KLF17: variants seen among roughly 807,000 people sequenced by gnomAD.
KLF17 encodes KLF transcription factor 17.
KLF17 carries 31 observed loss-of-function variants against 34.2 expected under a neutral mutation model. The ratio of observed to expected loss-of-function variants is 0.91; its 90% CI spans 0.68 to 1.22. The LOEUF is 1.22. Ranked by LOEUF, KLF17 falls within the 50% of genes most tolerant of loss-of-function variation. The pLI is 0.00. For missense variants in KLF17, 478 were observed against 505.2 expected, an observed-to-expected ratio of 0.95 and a Z score of 0.52; for synonymous variants, 179 against 186.7, an observed-to-expected ratio of 0.96 and a Z score of 0.34.
the KLF17 span, among the ~76,000 whole-genome samples, chr1:44,085,910 T>C: frequency 6.6e-6 from 1 of 151,384 alleles, no homozygotes; most frequent in Non-Finnish European, 1.5e-5. Context: ...CCAGTAAAGC[T>C]TTTCACTGAG....
At chr1:44,111,298 T>A in the KLF17 span, among the ~76,000 whole-genome samples, 1 of 152,114 alleles carries the variant, frequency 6.6e-6, no homozygotes. Flanking sequence ...GCCCGGCCTG[T>A]GTTTTTCTTA....
At chr1:44,128,538 C>T (rs2088055799) in intron 1 of KLF17, among the ~76,000 whole-genome samples, 1 of 152,152 alleles carries the variant, frequency 6.6e-6, no homozygotes, top group South Asian at 2.1e-4. Context: ...TCCTCCAGTG[C>T]TTGATCTCAG....
chr1:44,081,221 G>GT, the KLF17 span, among the ~76,000 whole-genome samples: 3 of 117,724 alleles, frequency 2.5e-5, no homozygotes, highest in Non-Finnish European at 3.5e-5. Flanking sequence ...ACAAGATCCT[G>GT]TAAAAAAAAA....
chr1:44,076,650 T>C, the KLF17 span: 1 of 152,340 alleles, frequency 6.6e-6, no homozygotes, highest in South Asian at 2.1e-4. Context: ...ACTTTTCCTA[T>C]GTTTATTGGA....
the KLF17 span, among the ~76,000 whole-genome samples, chr1:44,084,928 GAA>G: frequency 8.3e-6 from 1 of 120,744 alleles, no homozygotes; most frequent in Non-Finnish European, 1.7e-5. Context: ...ATAAAAATTA[GAA>G]AAAAAAAAAA....
chr1:44,133,339 T>A lies in KLF17; in HGVS notation c.*102T>A, dbSNP rs1571996467. 6.6e-6 allele frequency: 1 copy of A among 152,174 alleles called. No homozygotes were observed. Among genetic ancestry groups the A allele is most frequent in the Non-Finnish European group, 1.5e-5 (1 of 68,062 alleles). 9.4% of individuals were successfully genotyped at this position (152,174 alleles called of 1,614,324 possible). ...GTTCTACATTCATTCAGAAAAATGTTTTTTGAGCCTACAATACTGAGCGCA... is the reference window on the plus strand; with the variant it reads ...GTTCTACATTCATTCAGAAAAATGTATTTTGAGCCTACAATACTGAGCGCA... On this transcript the variant is annotated 3_prime_UTR_variant, in exon 4 of 4. Transcript: ENST00000372299.
chr1:44,127,588 C>T (rs1465131173), intron 1 of KLF17, among the ~76,000 whole-genome samples: 1 of 150,540 alleles, frequency 6.6e-6, no homozygotes, highest in African/African-American at 2.5e-5. Context: ...CCACCCGCCT[C>T]GGTGGATCTT....
At chr1:44,045,219 G>T in the KLF17 span, 1 of 152,304 alleles carries the variant, frequency 6.6e-6, no homozygotes, top group Non-Finnish European at 1.5e-5. Flanking sequence ...GCCATGCAAG[G>T]GTTGTGGGTG....
At chr1:44,072,520 C>T in the KLF17 span, among the ~76,000 whole-genome samples, 1 of 147,754 alleles carries the variant, frequency 6.8e-6, no homozygotes, top group Non-Finnish European at 1.5e-5. Flanking sequence ...GATCCTGTCT[C>T]TACAAAAATA....
At chr1:44,083,587 G>A in the KLF17 span, among the ~76,000 whole-genome samples, 1 of 152,054 alleles carries the variant, frequency 6.6e-6, no homozygotes, top group East Asian at 1.9e-4. Flanking sequence ...ACAAAGTCAG[G>A]AGTTCCAGAC....
At chr1:44,091,495 A>G in the KLF17 span, among the ~76,000 whole-genome samples, 1 of 152,018 alleles carries the variant, frequency 6.6e-6, no homozygotes, top group African/African-American at 2.4e-5. Flanking sequence ...GTTTCTACTA[A>G]AAACATGAGA....
chr1:44,074,434 C>T, the KLF17 span, among the ~76,000 whole-genome samples: 9 of 152,210 alleles, frequency 5.9e-5, no homozygotes, highest in Admixed American at 1.3e-4. Context: ...TCTCCCCTTC[C>T]GTTCCTTTGT....
chr1:44,062,041 T>A, the KLF17 span, among the ~76,000 whole-genome samples: 1 of 152,222 alleles, frequency 6.6e-6, no homozygotes, highest in Non-Finnish European at 1.5e-5. Context: ...GCCACCTCAG[T>A]AAAGCTGTTT....
At chr1:44,128,302 T>C (rs2088052639) in intron 1 of KLF17, among the ~76,000 whole-genome samples, 1 of 152,166 alleles carries the variant, frequency 6.6e-6, no homozygotes, top group Non-Finnish European at 1.5e-5. Context: ...TGCCTCGGCC[T>C]CCCAAAGTGC....
rs778395622 is a variant in KLF17, at chr1:44,129,844, G to C, written c.573G>C (p.Leu191Phe). 1 of 1,614,054 alleles carries C rather than the reference G, an allele frequency of 6.2e-7. No individual in the cohort carries two copies. Among genetic ancestry groups the C allele is most frequent in the African/African-American group, 1.3e-5 (1 of 74,924 alleles). ...GLSTVPSDET[L>F]LGPTVPSTEA... ...CGACAGTACCTTCTGACGAAACATTGTTGGGCCCGACTGTGCCTTCCACTG... is the reference window on the plus strand; with the variant it reads ...CGACAGTACCTTCTGACGAAACATTCTTGGGCCCGACTGTGCCTTCCACTG... Residue 191 changes from leucine (L) to phenylalanine (F), a missense_variant, in exon 2 of 4, where the codon TTG becomes TTC. Leu to Phe is a conservative substitution (Grantham distance 22, BLOSUM62 0). Transcript: ENST00000372299.
At chr1:44,055,805 C>T in the KLF17 span, among the ~76,000 whole-genome samples, 1 of 152,254 alleles carries the variant, frequency 6.6e-6, no homozygotes, top group East Asian at 1.9e-4. Context: ...GTCTGGATTC[C>T]TACAATCCTG....
At position 44,130,726 on chromosome 1, in the gene KLF17, G is replaced by A. The variant is rs1571994337; in HGVS notation, c.1140G>A (p.Glu380=). Residue 380 remains glutamate, a synonymous_variant, in exon 3 of 4, where the codon GAG becomes GAA. Coordinates refer to ENST00000372299, the MANE Select transcript of KLF17 (RefSeq NM_173484.4). ...CACAGGCCAACAACAACAATGGAGA[G>A]CAGGACAGTCCTCCTGCTGCTGGTC... is the stretch of plus-strand genomic sequence containing the variant. The part of the protein sequence containing the change: ...SDPQANNNNG[E]QDSPPAAGP The A allele has an allele frequency of 2.5e-6, 4 of 1,613,990 alleles. No individual in the cohort carries two copies. Among genetic ancestry groups the A allele is most frequent in the Non-Finnish European group, 3.4e-6 (4 of 1,179,988 alleles).
At chr1:44,118,746 G>T (rs1023278517), upstream of KLF17, 2 of 508,086 alleles carry the variant, frequency 3.9e-6, no homozygotes, top group Middle Eastern at 5.4e-4. Flanking sequence ...CGAGGGCGGC[G>T]CAGGGCGGGA....
At chr1:44,061,039 T>G in the KLF17 span, 5 of 152,232 alleles carry the variant, frequency 3.3e-5, no homozygotes, top group African/African-American at 4.8e-5. Context: ...CTTTTACCTC[T>G]CCTAGGACCT....
Sources: allele counts gnomAD v4.1 joint callset (sites outside exome capture counted in the v4.1 genomes callset), GRCh38; gene constraint gnomAD v4.1.1; transcripts MANE v1.5; gene names NCBI Gene and HGNC (gene_info 2026-07-23, HGNC 2026-07-21).